Variants in CHD1 observed in about 807,000 individuals in gnomAD.
CHD1 encodes ATP-dependent chromatin remodeler CHD1.
CHD1 carries 36 observed loss-of-function variants against 224.2 expected under a neutral mutation model. The observed-to-expected ratio is 0.16, with a 90% CI of 0.12 to 0.21. The LOEUF is 0.21. CHD1 is among the 10% of genes least tolerant of loss of function. The pLI is 1.00. For synonymous variants in CHD1, 668 were observed against 658.3 expected (o/e 1.01, Z -0.23); for missense variants, 1,378 against 1,994.8 (o/e 0.69, Z 5.89).
rs1056498583 is a variant in CHD1 at position 98,908,023 on chromosome 5, C to T, written c.54-2925G>A. ...ATTTCCACCTACTGCTGCAAATGCT[C>T]TTTCTAAAATAAAAAGCTGATGGTG... On this transcript the variant is annotated intron_variant, in intron 2 of 35. Coordinates refer to ENST00000614616, the MANE Select transcript of CHD1 (RefSeq NM_001270.4). Among the ~76,000 whole-genome samples, 79 of 152,234 alleles carry T rather than the reference C, an allele frequency of 5.2e-4. 1 individual carries two copies. Among genetic ancestry groups the T allele is most frequent in the South Asian group, 1.7e-3 (8 of 4,826 alleles).
rs1442361180 is a variant in CHD1 at position 98,883,091 on chromosome 5, T to C, written c.2715A>G (p.Lys905=). 1.4e-6 allele frequency: 2 copies of C among 1,468,202 alleles called. No individual in the cohort carries two copies. The highest frequency in any genetic ancestry group is 1.5e-5 in the South Asian group (1 of 67,558). 90.9% of individuals were successfully genotyped at this position (1,468,202 alleles called of 1,614,324 possible). A position where few individuals can be genotyped will look rare whatever the true frequency, so the allele number is the denominator to read the frequency against. ...TATAAATTAAAATTAAAAATACCTG[T>C]TTCTTTTGCCCAATTCGATGGGCTC... ...QARAHRIGQK[K]QVNIYRLVTK... The change falls in exon 19 of 36, where the codon AAA becomes AAG. Residue 905 remains lysine, a synonymous_variant. Transcript: ENST00000614616.
chr5:98,880,391 T>A (rs1436598792), intron 22 of CHD1, among the ~76,000 whole-genome samples: 1 of 152,250 alleles, frequency 6.6e-6, no homozygotes, highest in Non-Finnish European at 1.5e-5. Context: ...GTAGTCAGAA[T>A]GATTCATTAA....
chr5:98,872,184 T>C lies in CHD1; in HGVS notation c.3728A>G (p.His1243Arg). The C allele has an allele frequency of 6.2e-7, 1 of 1,613,292 alleles. No individual in the cohort carries two copies. The highest frequency in any genetic ancestry group is 2.2e-5 in the East Asian group (1 of 44,842). Residue 1243 changes from histidine to arginine, a missense_variant, in exon 28 of 36, where the codon CAC becomes CGC. Coordinates refer to ENST00000614616, the MANE Select transcript of CHD1 (RefSeq NM_001270.4). ...TATATCAAAATGAGCTGCCTTTGTG[T>C]GGCATGGGATAGTATACCTGGCATC... ...EERKQYTIPCHTKAAHFDIDW... is the reference protein window; with the variant it reads ...EERKQYTIPCRTKAAHFDIDW...
chr5:98,894,370 G>A (rs909051238), intron 13 of CHD1, among the ~76,000 whole-genome samples: 1 of 152,098 alleles, frequency 6.6e-6, no homozygotes, highest in African/African-American at 2.4e-5. Flanking sequence ...TTCAGACTTT[G>A]CAGATAAATA....
intron 5 of CHD1, among the ~76,000 whole-genome samples, chr5:98,901,565 A>G (rs924043088): frequency 6.6e-6 from 1 of 152,176 alleles, no homozygotes; most frequent in Non-Finnish European, 1.5e-5. Context: ...GTCAGTGAAC[A>G]GCAAATAAAT....
At chr5:98,888,938 G>A (rs962496883) in intron 16 of CHD1, 138 bp downstream of exon 16, 1 of 477,764 alleles carries the variant, frequency 2.1e-6, no homozygotes, top group Non-Finnish European at 3.6e-6. Flanking sequence ...ATTAATAACT[G>A]AGACCATTAT....
intron 3 of CHD1, among the ~76,000 whole-genome samples, 192 bp from the exon 4 acceptor site, chr5:98,904,100 A>T (rs1226533897): frequency 6.6e-6 from 1 of 152,232 alleles, no homozygotes; most frequent in Non-Finnish European, 1.5e-5. Flanking sequence ...ATGTATAAAA[A>T]AAAATGGTGT....
rs748077294 is a variant in CHD1 at position 98,872,398 on chromosome 5, G to A, written c.3710+19C>T. On this transcript the variant is annotated intron_variant, in intron 27 of 35. Transcript: ENST00000614616. ...ATTGAATAACAAAAATCTTACAATG[G>A]AGAAAATAAATCACTCACTGCTTTC... is the stretch of plus-strand genomic sequence containing the variant. 1.9e-6 allele frequency: 3 copies of A among 1,600,276 alleles called. No homozygotes were observed. The highest frequency in any genetic ancestry group is 3.5e-5 in the Admixed American group (2 of 57,716).
chr5:98,889,659 A>G (rs573134754), intron 15 of CHD1: 67 of 153,636 alleles, frequency 4.4e-4, no homozygotes, highest in Middle Eastern at 6.8e-3. Flanking sequence ...TTGCAATTAC[A>G]CAATACATAT....
intron 2 of CHD1, among the ~76,000 whole-genome samples, chr5:98,923,238 C>A (rs1359923977): frequency 6.6e-6 from 1 of 152,074 alleles, no homozygotes; most frequent in Non-Finnish European, 1.5e-5. Flanking sequence ...AGGTCTCTCT[C>A]CTGATAAACT....
intron 2 of CHD1, among the ~76,000 whole-genome samples, chr5:98,905,382 A>G (rs555589762): frequency 6.6e-6 from 1 of 152,332 alleles, no homozygotes; most frequent in African/African-American, 2.4e-5. Flanking sequence ...ATCTTCTTCT[A>G]AGACAATATG....
At chr5:98,859,865 A>T in intron 33 of CHD1, 107 bp downstream of exon 33, 1 of 576,342 alleles carries the variant, frequency 1.7e-6, no homozygotes, top group Non-Finnish European at 3.0e-6. Flanking sequence ...TGATTTTTTA[A>T]ATTTATCTTA....
chr5:98,916,926 T>C (rs1259142729), intron 2 of CHD1, among the ~76,000 whole-genome samples: 2 of 143,698 alleles, frequency 1.4e-5, no homozygotes, highest in Non-Finnish European at 3.1e-5. Flanking sequence ...TCCTTTCATA[T>C]CCGACCTCTG....
intron 9 of CHD1, 47 bp downstream of exon 9, chr5:98,898,617 A>T: frequency 3.0e-6 from 4 of 1,324,214 alleles, no homozygotes; most frequent in Admixed American, 4.0e-5. Flanking sequence ...TTTTCAGATT[A>T]TTTCAAGCAT....
chr5:98,905,756 C>T (rs1033010571), intron 2 of CHD1, among the ~76,000 whole-genome samples: 2 of 152,136 alleles, frequency 1.3e-5, no homozygotes, highest in Admixed American at 6.5e-5. Context: ...TATTTCCTAA[C>T]GTGTATACAC....
At position 98,858,388 on chromosome 5, in the gene CHD1, C is replaced by T. The variant is rs573978009; in HGVS notation, c.4579G>A (p.Val1527Met). The change falls in exon 35 of 36, where the codon GTG (valine) becomes ATG (methionine). Residue 1527 changes from valine to methionine, a missense_variant and splice_region_variant. By Grantham distance (21) the Val-to-Met change is conservative. Transcript: ENST00000614616. ...TTTGTATTCTCTTTTAATCTTTCCA[C>T]ATCTGTTAGATAAGTACAACTTTTA... is the stretch of plus-strand genomic sequence containing the variant. ...LNPHVIRNPDVERLKENTNHD... is the reference protein window; with the variant it reads ...LNPHVIRNPDMERLKENTNHD... 90 of 1,609,896 alleles carry T rather than the reference C, an allele frequency of 5.6e-5. No homozygotes were observed. In the East Asian group the frequency reaches 1.9e-3, roughly 33 times the overall value.
At position 98,911,146 on chromosome 5, in the gene CHD1, A is replaced by AATATAT. The variant is rs1158932549; in HGVS notation, c.54-6054_54-6049dup. 4.2e-3 allele frequency among the ~76,000 whole-genome samples: 165 copies of AATATAT among 39,102 alleles called. 5 individuals are homozygous for AATATAT. The highest frequency in any genetic ancestry group is 4.5e-3 in the Non-Finnish European group (101 of 22,234). The allele number at this position is 39,102 out of a possible 152,430, so 25.7% of individuals were successfully genotyped here. A position where few individuals can be genotyped will look rare whatever the true frequency, so the allele number is the denominator to read the frequency against. On this transcript the variant is annotated intron_variant, in intron 2 of 35. Coordinates refer to ENST00000614616, the MANE Select transcript of CHD1 (RefSeq NM_001270.4). ...TGCTAAAATGAAAAAAAAAAAAAAA[A>AATATAT]ATATATATATATATATATATATATA...
At chr5:98,910,080 T>G (rs112215482) in intron 2 of CHD1, among the ~76,000 whole-genome samples, 1 of 152,192 alleles carries the variant, frequency 6.6e-6, no homozygotes, top group African/African-American at 2.4e-5. Context: ...CTATTACTAC[T>G]GGACTGGTTG....
intron 2 of CHD1, among the ~76,000 whole-genome samples, chr5:98,908,332 G>A (rs1307448906): frequency 1.3e-5 from 2 of 151,976 alleles, no homozygotes; most frequent in Non-Finnish European, 1.5e-5. Context: ...CCAACCCAAC[G>A]TTAAATCAGG....
Sources: allele counts gnomAD v4.1 joint callset (sites outside exome capture counted in the v4.1 genomes callset), GRCh38; gene constraint gnomAD v4.1.1; transcripts MANE v1.5; gene names NCBI Gene and HGNC (gene_info 2026-07-23, HGNC 2026-07-21).